Variants in CDH13 observed in about 807,000 individuals in gnomAD.
CDH13 encodes cadherin 13, also known as cadherin-13.
CDH13 carries 24 observed loss-of-function variants against 63.8 expected under a neutral mutation model. That is an observed-to-expected ratio of 0.38 (90% CI 0.27 to 0.53). CDH13 has a LOEUF of 0.53. CDH13 is among the 20% of genes least tolerant of loss of function. The pLI, the probability that CDH13 is intolerant of heterozygous loss-of-function variation, is 0.85. For synonymous variants in CDH13, 503 were observed against 355.3 expected (o/e 1.42, Z -4.67); for missense variants, 1,049 against 903.1 (o/e 1.16, Z -2.07).
intron 2 of CDH13, among the ~76,000 whole-genome samples, chr16:82,921,468 G>A (rs1333922512): frequency 6.6e-6 from 1 of 152,054 alleles, no homozygotes; most frequent in Non-Finnish European, 1.5e-5. Flanking sequence ...AACAGTGCTG[G>A]CATTTAGGGA....
chr16:83,052,606 C>A (rs956439261), intron 3 of CDH13, among the ~76,000 whole-genome samples: 3 of 151,790 alleles, frequency 2.0e-5, no homozygotes, highest in Admixed American at 6.6e-5. Flanking sequence ...ATGGCGAAAC[C>A]CTGTCTCTAC....
chr16:83,370,812 G>A (rs995888017), intron 6 of CDH13, among the ~76,000 whole-genome samples: 1 of 152,234 alleles, frequency 6.6e-6, no homozygotes, highest in Non-Finnish European at 1.5e-5. Context: ...TTGTTCTTTT[G>A]TATAGCTGTG....
chr16:83,591,203 C>A (rs1030430729), intron 7 of CDH13, among the ~76,000 whole-genome samples: 1 of 152,138 alleles, frequency 6.6e-6, no homozygotes, highest in Non-Finnish European at 1.5e-5. Flanking sequence ...GCCACCGCAC[C>A]CAGCTGGACA....
chr16:83,559,407 A>T (rs377592303), intron 7 of CDH13, among the ~76,000 whole-genome samples: 1 of 152,124 alleles, frequency 6.6e-6, no homozygotes, highest in Non-Finnish European at 1.5e-5. Flanking sequence ...CCCTGTCTCT[A>T]CTAAAAATAT....
intron 1 of CDH13, among the ~76,000 whole-genome samples, chr16:82,812,334 C>T (rs549845680): frequency 6.6e-6 from 1 of 152,218 alleles, no homozygotes; most frequent in East Asian, 1.9e-4. Context: ...AAGCTTGCAT[C>T]CTATTTGAAA....
intron 5 of CDH13, among the ~76,000 whole-genome samples, chr16:83,304,281 C>T (rs947206893): frequency 2.6e-5 from 4 of 152,090 alleles, no homozygotes; most frequent in Non-Finnish European, 4.4e-5. Context: ...TCAGTTCCAT[C>T]TTGAACCATC....
chr16:83,378,696 A>G (rs1229654992), intron 6 of CDH13, among the ~76,000 whole-genome samples: 2 of 152,126 alleles, frequency 1.3e-5, no homozygotes, highest in Admixed American at 1.3e-4. Context: ...TCTGAGCCTT[A>G]GTTTCTTCCT....
intron 1 of CDH13, among the ~76,000 whole-genome samples, chr16:82,788,768 C>T (rs750970606): frequency 4.6e-5 from 7 of 152,148 alleles, no homozygotes; most frequent in Non-Finnish European, 1.0e-4. Context: ...GACAAAGAGC[C>T]GGACAGATCC....
intron 6 of CDH13, among the ~76,000 whole-genome samples, chr16:83,377,297 T>A (rs1475547656): frequency 6.6e-6 from 1 of 152,170 alleles, no homozygotes; most frequent in Admixed American, 6.5e-5. Context: ...TTAACAAATA[T>A]AAGACAAAAG....
intron 5 of CDH13, among the ~76,000 whole-genome samples, chr16:83,302,247 C>T (rs905592727): frequency 2.0e-5 from 3 of 152,180 alleles, no homozygotes; most frequent in Admixed American, 6.5e-5. Context: ...TTTTACTTCC[C>T]GGATATTCAT....
intron 3 of CDH13, among the ~76,000 whole-genome samples, chr16:83,049,701 G>A (rs2030073635): frequency 6.6e-6 from 1 of 152,086 alleles, no homozygotes; most frequent in Non-Finnish European, 1.5e-5. Flanking sequence ...CCTTTTTAGG[G>A]ATAAGCAATA....
chr16:83,186,839 G>T (rs1384303365), intron 4 of CDH13, among the ~76,000 whole-genome samples: 1 of 152,224 alleles, frequency 6.6e-6, no homozygotes, highest in African/African-American at 2.4e-5. Flanking sequence ...TGGGGAGAAG[G>T]AGCTGAAGAA....
chr16:82,939,998 G>A (rs1026563613), intron 2 of CDH13, among the ~76,000 whole-genome samples: 2 of 152,148 alleles, frequency 1.3e-5, no homozygotes, highest in African/African-American at 4.8e-5. Context: ...GCAGACAGGA[G>A]AGAATGAGAA....
chr16:83,465,874 G>T (rs978682794), intron 6 of CDH13, among the ~76,000 whole-genome samples: 1 of 152,182 alleles, frequency 6.6e-6, no homozygotes, highest in Non-Finnish European at 1.5e-5. Flanking sequence ...TTTTGGCACC[G>T]TGAACTTGAA....
rs142166426 is a variant in CDH13 at position 83,453,821 on chromosome 16, A to G, written c.782-32656A>G. Among the ~76,000 whole-genome samples, 13 of 152,276 alleles carry G rather than the reference A, an allele frequency of 8.5e-5. No individual in the cohort carries two copies. In the East Asian group the frequency reaches 1.5e-3, roughly 18 times the overall value. The stretch of plus-strand genomic sequence containing the variant: ...CACTTATTGGTTCACAGCCTCCCCA[A>G]ATCAGCCTGCTCTGTTCAGGGGACC... On this transcript the variant is annotated intron_variant, in intron 6 of 13. Coordinates refer to ENST00000567109, the MANE Select transcript of CDH13 (RefSeq NM_001257.5).
chr16:83,211,105 A>T lies in CDH13; in HGVS notation c.484-6240A>T, dbSNP rs878970176. Among the ~76,000 whole-genome samples, 9 of 151,032 alleles carry T rather than the reference A, an allele frequency of 6.0e-5. 1 individual carries two copies. The highest frequency in any genetic ancestry group is 1.3e-4 in the Non-Finnish European group (9 of 67,788). ...AGAGGTTGCAGTGAGCCAAGATCAC[A>T]CCAGTGCACTCCAGCCTGGGTGACA... On this transcript the variant is annotated intron_variant, in intron 4 of 13. Transcript: ENST00000567109.
At chr16:82,812,706 G>C (rs546585630) in intron 1 of CDH13, among the ~76,000 whole-genome samples, 126 of 152,306 alleles carry the variant, frequency 8.3e-4, no homozygotes, top group Non-Finnish European at 1.6e-3. Context: ...AAGAAGTTTG[G>C]CGGCTAAAAA....
chr16:83,317,719 G>C (rs757289173), intron 5 of CDH13, among the ~76,000 whole-genome samples: 9 of 151,814 alleles, frequency 5.9e-5, no homozygotes, highest in Non-Finnish European at 1.2e-4. Flanking sequence ...AGAATCGCTT[G>C]AACCCGGGAG....
chr16:83,659,337 CAGGTCCCATGTCCTCACCAGCA>C (rs1390455043), intron 8 of CDH13, among the ~76,000 whole-genome samples: 5 of 149,598 alleles, frequency 3.3e-5, no homozygotes, highest in Non-Finnish European at 7.4e-5. Flanking sequence ...TCCTCACCAC[CAGGTCCCATGTCCTCACCAGCA>C]AGGTCCCATG....
Sources: gnomAD v4.1 joint callset for allele counts (sites outside exome capture counted in the v4.1 genomes callset) on GRCh38, gnomAD v4.1.1 for gene constraint, MANE v1.5 for transcripts, NCBI Gene and HGNC (gene_info 2026-07-23, HGNC 2026-07-21) for gene names.